The following PITRM1 variants were observed in gnomAD, a reference collection of about 807,000 sequenced individuals.
PITRM1 encodes pitrilysin metallopeptidase 1.
A neutral mutation model predicts 129.9 loss-of-function variants in PITRM1; 100 were observed. The observed-to-expected ratio is 0.77, with a 90% CI of 0.65 to 0.91. The LOEUF is 0.91. PITRM1 is among the 40% of genes least tolerant of loss of function. The pLI, the probability that PITRM1 is intolerant of heterozygous loss-of-function variation, is 0.00. For synonymous variants in PITRM1, 591 were observed against 508.8 expected, an observed-to-expected ratio of 1.16 and a Z score of -2.17; for missense variants, 1,471 against 1,318.3, an observed-to-expected ratio of 1.12 and a Z score of -1.79.
chr10:3,138,158 G>A, intron 26 of PITRM1, 34 bp from the exon 27 acceptor site: 1 of 1,573,714 alleles, frequency 6.4e-7, no homozygotes, highest in African/African-American at 1.3e-5. Flanking sequence ...AGCAAGGACT[G>A]GCTTCTGCGT....
intron 14 of PITRM1, among the ~76,000 whole-genome samples, chr10:3,155,382 C>T (rs1420170174): frequency 6.6e-6 from 1 of 152,236 alleles, no homozygotes; most frequent in Non-Finnish European, 1.5e-5. Context: ...CAAGCTACTT[C>T]TTTTCAATGA....
intron 23 of PITRM1, chr10:3,141,504 C>T (rs1840192792): frequency 9.3e-6 from 2 of 214,020 alleles, no homozygotes; most frequent in African/African-American, 4.7e-5. Flanking sequence ...TATAAGAATC[C>T]CTTAAGAAAA....
At chr10:3,151,385 G>C (rs1841504334) in intron 14 of PITRM1, 22 bp from the exon 15 acceptor site, 3 of 1,318,542 alleles carry the variant, frequency 2.3e-6, no homozygotes, top group Non-Finnish European at 1.1e-6. Context: ...ACAAGAAAAA[G>C]GAATATTCAG....
chr10:3,154,844 T>TCC (rs922725065), intron 14 of PITRM1, among the ~76,000 whole-genome samples: 2 of 151,946 alleles, frequency 1.3e-5, no homozygotes, highest in African/African-American at 4.8e-5. Flanking sequence ...ACCCGGCTGC[T>TCC]CCCCCAGCGG....
chr10:3,163,617 T>C (rs1842627299), intron 7 of PITRM1, 108 bp downstream of exon 7: 2 of 955,272 alleles, frequency 2.1e-6, no homozygotes, highest in Non-Finnish European at 3.1e-6. Context: ...GACTTAGATA[T>C]TTCTTAAGCA....
Position 3,166,375 on chromosome 10 carries a change from T to TGCACGCTGGGGAAGAGAGAGGAATG in PITRM1, c.271_272insCATTCCTCTCTCTTCCCCAGCGTGC (p.Gln91ProfsTer25). The stretch of plus-strand genomic sequence containing the variant: ...ACTGTCCATGGGAGTAGTACGGAAC[T>TGCACGCTGGGGAAGAGAGAGGAATG]GCACGCTAGGGAAGGAGAATGACCA... On this transcript the variant is annotated frameshift_variant, in exon 4 of 27. Coordinates refer to ENST00000224949, the MANE Select transcript of PITRM1 (RefSeq NM_014889.4). LOFTEE classifies it high-confidence loss of function. 2 of 1,413,946 alleles carry TGCACGCTGGGGAAGAGAGAGGAATG rather than the reference T, an allele frequency of 1.4e-6. No individual in the cohort carries two copies. The highest frequency in any genetic ancestry group is 2.0e-6 in the Non-Finnish European group (2 of 1,008,360). The allele number at this position is 1,413,946 out of a possible 1,614,324, so 87.6% of individuals were successfully genotyped here.
At position 3,165,460 on chromosome 10, in the gene PITRM1, C is replaced by T. The variant is rs762588724; in HGVS notation, c.486G>A (p.Val162=). The part of the protein sequence containing the change: ...NPKDFQNLLS[V]YLDATFFPCL... Reference sequence around the variant, plus strand: ...ATGGGAAAAAGGTGGCATCCAAATACACCGAGAGGAGATTCTGAAAGTCCT... The same window carrying T: ...ATGGGAAAAAGGTGGCATCCAAATATACCGAGAGGAGATTCTGAAAGTCCT... Residue 162 remains valine, a synonymous_variant, in exon 5 of 27, where the codon GTG becomes GTA. Transcript: ENST00000224949. 9 of 1,613,558 alleles carry T rather than the reference C, an allele frequency of 5.6e-6. No homozygotes were observed. The highest frequency in any genetic ancestry group is 2.2e-5 in the East Asian group (1 of 44,896).
At chr10:3,144,472 G>C in intron 21 of PITRM1, 106 bp from the exon 22 acceptor site, 2 of 675,248 alleles carry the variant, frequency 3.0e-6, no homozygotes, top group Non-Finnish European at 5.2e-6. Flanking sequence ...ACAAGTGTTA[G>C]GGCAGGTGTA....
intron 2 of PITRM1, among the ~76,000 whole-genome samples, chr10:3,168,546 T>C (rs893467624): frequency 1.3e-5 from 2 of 151,516 alleles, no homozygotes; most frequent in African/African-American, 4.9e-5. Flanking sequence ...TCCCCACATG[T>C]TGTGGGAGGG....
At chr10:3,142,167 A>C (rs1564386875) in intron 23 of PITRM1, among the ~76,000 whole-genome samples, 2 of 152,238 alleles carry the variant, frequency 1.3e-5, no homozygotes, top group African/African-American at 2.4e-5. Context: ...TTCTGCCGGC[A>C]TAGCAGACAG....
intron 25 of PITRM1, 187 bp downstream of exon 25, chr10:3,138,717 A>T (rs1839862224): frequency 2.7e-6 from 2 of 731,314 alleles, no homozygotes; most frequent in East Asian, 5.0e-5. Context: ...AACAAATGAC[A>T]GGATGCACTC....
rs776803799 is a variant in PITRM1 at position 3,138,095 on chromosome 10, C to T, written c.3050G>A (p.Gly1017Asp). ...GTTCTCGGGTCCGAGGATGGCCAGG[C>T]CGTGTGTGCTCTTCCCAGTGCCGAG... ...RYLGTGKSTH[G>D]LAILGPENPK... Residue 1017 changes from glycine to aspartate, a missense_variant, in exon 27 of 27, where the codon GGC becomes GAC. By Grantham distance (94) the Gly-to-Asp change is moderately conservative. Transcript: ENST00000224949. The T allele has an allele frequency of 2.5e-6, 4 of 1,610,306 alleles. No homozygotes were observed. Among genetic ancestry groups the T allele is most frequent in the East Asian group, 4.5e-5 (2 of 44,776 alleles).
chr10:3,162,894 G>A (rs1842565732), intron 7 of PITRM1, among the ~76,000 whole-genome samples: 2 of 152,124 alleles, frequency 1.3e-5, no homozygotes, highest in Non-Finnish European at 2.9e-5. Flanking sequence ...GGGCCAACTA[G>A]AAAATCTGAA....
At chr10:3,144,573 T>C (rs1198340696) in intron 21 of PITRM1, among the ~76,000 whole-genome samples, 1 of 152,118 alleles carries the variant, frequency 6.6e-6, no homozygotes, top group East Asian at 1.9e-4. Context: ...GAGGCTGAGG[T>C]GGGAGGATTG....
chr10:3,139,681 C>A (rs576076229), intron 24 of PITRM1, among the ~76,000 whole-genome samples: 1 of 152,308 alleles, frequency 6.6e-6, no homozygotes, highest in Admixed American at 6.5e-5. Flanking sequence ...GCTATGCATC[C>A]ACGGGACAGG....
chr10:3,171,183 A>AAAAAAAAAAAAAAAAAAAAAAAAAAAG (rs1843323485), intron 1 of PITRM1, among the ~76,000 whole-genome samples: 1 of 146,506 alleles, frequency 6.8e-6, no homozygotes. Flanking sequence ...AAAAAAAAAA[A>AAAAAAAAAAAAAAAAAAAAAAAAAAAG]ACCTTACCAA....
At position 3,163,794 on chromosome 10, in the gene PITRM1, C is replaced by G; in HGVS notation, c.722G>C (p.Cys241Ser). 1 of 1,613,154 alleles carries G rather than the reference C, an allele frequency of 6.2e-7. No individual in the cohort carries two copies. The highest frequency in any genetic ancestry group is 8.5e-7 in the Non-Finnish European group (1 of 1,179,386). Reference sequence around the variant, plus strand: ...CTGCTCCCATGTAAGCTCCGGGATGCACAGTGGGTCACCCCCGGAGACCAC... The same window carrying G: ...CTGCTCCCATGTAAGCTCCGGGATGGACAGTGGGTCACCCCCGGAGACCAC... ...YSVVSGGDPL[C>S]IPELTWEQLK... The change falls in exon 7 of 27, where the codon TGC becomes TCC. Residue 241 changes from cysteine to serine, a missense_variant. Cys to Ser is a moderately radical substitution (Grantham distance 112). Coordinates refer to ENST00000224949, the MANE Select transcript of PITRM1 (RefSeq NM_014889.4).
chr10:3,141,637 G>A (rs1564385234), intron 23 of PITRM1: 2 of 469,942 alleles, frequency 4.3e-6, no homozygotes, highest in South Asian at 1.6e-5. Flanking sequence ...AGAAGGCGGG[G>A]CAGACAATGA....
intron 23 of PITRM1, chr10:3,141,657 C>T (rs527347930): frequency 2.1e-6 from 1 of 470,760 alleles, no homozygotes; most frequent in Admixed American, 2.4e-5. Flanking sequence ...ATGGGAGGGT[C>T]TGCAGCACAG....
Sources: allele counts gnomAD v4.1 joint callset (sites outside exome capture counted in the v4.1 genomes callset), GRCh38; gene constraint gnomAD v4.1.1; transcripts MANE v1.5; gene names NCBI Gene and HGNC (gene_info 2026-07-23, HGNC 2026-07-21).